Variants in PCDHGC5 observed in about 807,000 individuals in gnomAD.
PCDHGC5 encodes protocadherin gamma subfamily C, 5.
A neutral mutation model predicts 59.0 loss-of-function variants in PCDHGC5; 25 were observed. That is an observed-to-expected ratio of 0.42 (90% CI 0.31 to 0.59). PCDHGC5 has a LOEUF of 0.59. PCDHGC5 is among the 20% of genes least tolerant of loss of function. The pLI is 0.13. For missense variants in PCDHGC5, 1,067 were observed against 1,206.4 expected (o/e 0.88, Z 1.71); for synonymous variants, 434 against 505.5 (o/e 0.86, Z 1.90).
rs1193417991 is a variant in PCDHGC5 at position 141,491,413 on chromosome 5, G to C, written c.2173G>C (p.Gly725Arg). 5.0e-6 allele frequency: 8 copies of C among 1,613,946 alleles called. No individual in the cohort carries two copies. Among genetic ancestry groups the C allele is most frequent in the African/African-American group, 1.3e-5 (1 of 74,906 alleles). ...CCTTCAGGGAAACGCAGACGGGGAC[G>C]GGGGTGGAGGGCAGTGCTGCAGGCG... ...KCLQGNADGD[G>R]GGGQCCRRQD... Residue 725 changes from glycine to arginine, a missense_variant, in exon 1 of 4, where the codon GGG (glycine) becomes CGG (arginine). Transcript: ENST00000252087. The surrounding 1 kb of genome is among the most constrained non-coding windows in gnomAD (Gnocchi z 6.9).
chr5:141,489,089 A>C lies in PCDHGC5; in HGVS notation c.-152A>C. 6 of 284,452 alleles carry C rather than the reference A, an allele frequency of 2.1e-5. No individual in the cohort carries two copies. The highest frequency in any genetic ancestry group is 5.7e-5 in the East Asian group (1 of 17,568). The allele number at this position is 284,452 out of a possible 1,614,324, so 17.6% of individuals were successfully genotyped here. A position where few individuals can be genotyped will look rare whatever the true frequency, so the allele number is the denominator to read the frequency against. Reference sequence around the variant, plus strand: ...CCCTGCCCACCCCCGCCACTCGGTGACTAAGAACTGCTGCAAGCAGGCAAA... The same window carrying C: ...CCCTGCCCACCCCCGCCACTCGGTGCCTAAGAACTGCTGCAAGCAGGCAAA... On this transcript the variant is annotated 5_prime_UTR_variant, in exon 1 of 4. Transcript: ENST00000252087. This position sits in a 1 kb window ranked among gnomAD's most constrained non-coding sequence, Gnocchi z 4.5.
intron 2 of PCDHGC5, among the ~76,000 whole-genome samples, chr5:141,500,453 C>T (rs1403599390): frequency 6.6e-6 from 1 of 152,130 alleles, no homozygotes; most frequent in South Asian, 2.1e-4. Context: ...TCGTGATCCG[C>T]CCGCCTCGGC....
chr5:141,492,719 C>A (rs1367632029), intron 1 of PCDHGC5, among the ~76,000 whole-genome samples: 1 of 152,280 alleles, frequency 6.6e-6, no homozygotes, highest in Non-Finnish European at 1.5e-5. Context: ...AGCAGGCGGA[C>A]AGGCAGAGCT....
Position 141,489,968 on chromosome 5 carries a change from A to G in PCDHGC5, c.728A>G (p.Gln243Arg). 6.2e-7 allele frequency: 1 copy of G among 1,614,146 alleles called. No homozygotes were observed. The highest frequency in any genetic ancestry group is 2.2e-5 in the East Asian group (1 of 44,880). The change falls in exon 1 of 4, where the codon CAA (glutamine) becomes CGA (arginine). Residue 243 changes from glutamine (Q) to arginine (R), a missense_variant. Physicochemically the swap from Gln to Arg is conservative, Grantham distance 43. Coordinates refer to ENST00000252087, the MANE Select transcript of PCDHGC5 (RefSeq NM_018929.3). This position sits in a 1 kb window ranked among gnomAD's most constrained non-coding sequence, Gnocchi z 4.5. Reference sequence around the variant, plus strand: ...ATCAATGATAATGCTCCAACCTTCCAATCCTCAGTTCTACGTGTGGGAATC... The same window carrying G: ...ATCAATGATAATGCTCCAACCTTCCGATCCTCAGTTCTACGTGTGGGAATC... ...LDINDNAPTF[Q>R]SSVLRVGIPE...
rs376996144 is a variant in PCDHGC5, at chr5:141,491,534, G to C, written c.2294G>C (p.Arg765Pro). 3.7e-6 allele frequency: 6 copies of C among 1,613,912 alleles called. No homozygotes were observed. The highest frequency in any genetic ancestry group is 1.3e-5 in the African/African-American group (1 of 74,928). ...CTCAAGTACATGGAGGTGACGCTGC[G>C]GCCCACAGACTCGCAGAGCCACTGC... ...GTLKYMEVTL[R>P]PTDSQSHCYR... is the part of the protein sequence containing the mutation. The change falls in exon 1 of 4, where the codon CGG (arginine) becomes CCG (proline). Residue 765 changes from arginine (R) to proline (P), a missense_variant. Coordinates refer to ENST00000252087, the MANE Select transcript of PCDHGC5 (RefSeq NM_018929.3). This position sits in a 1 kb window ranked among gnomAD's most constrained non-coding sequence, Gnocchi z 6.9.
chr5:141,500,216 ATT>A (rs1562194139), intron 2 of PCDHGC5, among the ~76,000 whole-genome samples: 8 of 149,244 alleles, frequency 5.4e-5, no homozygotes, highest in African/African-American at 2.0e-4. Flanking sequence ...TTATTTATTT[ATT>A]TATTTATTGA....
intron 2 of PCDHGC5, among the ~76,000 whole-genome samples, chr5:141,500,324 T>G (rs1165047676): frequency 6.6e-6 from 1 of 151,994 alleles, no homozygotes; most frequent in African/African-American, 2.4e-5. Flanking sequence ...TGCTCCTGCC[T>G]CAGCCTCCAG....
chr5:141,498,919 CG>C (rs2099786825), intron 2 of PCDHGC5, among the ~76,000 whole-genome samples: 1 of 122,240 alleles, frequency 8.2e-6, no homozygotes, highest in African/African-American at 3.1e-5. Context: ...GGTGACAGAG[CG>C]AGACTCCATC....
Position 141,491,627 on chromosome 5 carries a change from A to C in PCDHGC5, c.2387A>C (p.Gln796Pro). Residue 796 changes from glutamine to proline, a missense_variant, in exon 1 of 4, where the codon CAG becomes CCG. Gln to Pro is a moderately conservative substitution (Grantham distance 76, BLOSUM62 -1). Transcript: ENST00000252087. The surrounding 1 kb of genome is among the most constrained non-coding windows in gnomAD (Gnocchi z 6.9). ...DFTFLRPLSV[Q>P]QPTALALEPD... ...ACTTTTCTAAGACCCCTCAGCGTTC[A>C]GCAGCCCACAGCTCTGGCGCTGGAG... 6.2e-7 allele frequency: 1 copy of C among 1,613,924 alleles called. No homozygotes were observed. The highest frequency in any genetic ancestry group is 8.5e-7 in the Non-Finnish European group (1 of 1,180,026).
At chr5:141,495,175 C>T (rs1337353259) in intron 2 of PCDHGC5, among the ~76,000 whole-genome samples, 1 of 152,182 alleles carries the variant, frequency 6.6e-6, no homozygotes, top group Admixed American at 6.5e-5. Context: ...TGGGTGAAAG[C>T]GAGGCTTTCT....
At position 141,490,707 on chromosome 5, in the gene PCDHGC5, C is replaced by T; in HGVS notation, c.1467C>T (p.Leu489=). ...CAGACACTGGGGATAATGCCCGCCT[C>T]ACCTACTCCATTGTAGGAAATCAGG... ...SDPDTGDNAR[L]TYSIVGNQVQ... Residue 489 remains leucine, a synonymous_variant, in exon 1 of 4, where the codon CTC becomes CTT. Transcript: ENST00000252087. The surrounding 1 kb of genome is among the most constrained non-coding windows in gnomAD (Gnocchi z 5.4). The T allele has an allele frequency of 3.1e-6, 5 of 1,614,194 alleles. No individual in the cohort carries two copies. Among genetic ancestry groups the T allele is most frequent in the Non-Finnish European group, 3.4e-6 (4 of 1,180,008 alleles).
intron 3 of PCDHGC5, among the ~76,000 whole-genome samples, chr5:141,507,479 C>T (rs1050741571): frequency 1.3e-5 from 2 of 152,198 alleles, no homozygotes; most frequent in East Asian, 1.9e-4. Flanking sequence ...GACTGCTGGC[C>T]TCCTGAGGCA....
chr5:141,511,641 A>C lies in PCDHGC5; in HGVS notation c.*468A>C. On this transcript the variant is annotated 3_prime_UTR_variant, in exon 4 of 4. Transcript: ENST00000252087. ...TCTGAAAAGTTGGAAGGGCATCATG[A>C]CCTCTTGGCCTCTCCTTTGATTCTC... 1 of 224,930 alleles carries C rather than the reference A, an allele frequency of 4.4e-6. No homozygotes were observed. The allele number at this position is 224,930 out of a possible 1,614,324, so 13.9% of individuals were successfully genotyped here. A position where few individuals can be genotyped will look rare whatever the true frequency, so the allele number is the denominator to read the frequency against.
intron 3 of PCDHGC5, among the ~76,000 whole-genome samples, chr5:141,506,146 T>C (rs1014881418): frequency 6.6e-6 from 1 of 152,086 alleles, no homozygotes; most frequent in African/African-American, 2.4e-5. Context: ...AAGAATATCA[T>C]TTGTCCTTAA....
rs1460389320 is a variant in PCDHGC5 at position 141,490,134 on chromosome 5, C to T, written c.894C>T (p.Ser298=). The T allele has an allele frequency of 2.5e-6, 4 of 1,614,114 alleles. No homozygotes were observed. Among genetic ancestry groups the T allele is most frequent in the Admixed American group, 3.3e-5 (2 of 59,998 alleles). ...GGAACCTCTTTGGCCTAGACCCTAG[C>T]AGTGGGGCAATCCATGTGTTGGGTC... ...AVRNLFGLDP[S]SGAIHVLGPI... is the part of the protein sequence containing the mutation. Residue 298 remains serine, a synonymous_variant, in exon 1 of 4, where the codon AGC becomes AGT. Coordinates refer to ENST00000252087, the MANE Select transcript of PCDHGC5 (RefSeq NM_018929.3). This position sits in a 1 kb window ranked among gnomAD's most constrained non-coding sequence, Gnocchi z 5.4.
At chr5:141,495,652 T>C (rs1403816239) in intron 2 of PCDHGC5, among the ~76,000 whole-genome samples, 2 of 152,336 alleles carry the variant, frequency 1.3e-5, no homozygotes, top group Admixed American at 6.5e-5. Context: ...CTACTTGCAT[T>C]GATCTGTGCC....
In PCDHGC5 at chr5:141,489,681, A is replaced by T; in HGVS notation, c.441A>T (p.Ala147=). ...EREMRISESA[A]SGARFPLDSA... ...AGATGCGCATCTCAGAATCAGCAGC[A>T]TCTGGGGCACGATTCCCACTGGACA... The change falls in exon 1 of 4, where the codon GCA becomes GCT. Residue 147 remains alanine (A), a synonymous_variant. Transcript: ENST00000252087. This position sits in a 1 kb window ranked among gnomAD's most constrained non-coding sequence, Gnocchi z 4.5. 1 of 1,614,174 alleles carries T rather than the reference A, an allele frequency of 6.2e-7. No individual in the cohort carries two copies. The highest frequency in any genetic ancestry group is 8.5e-7 in the Non-Finnish European group (1 of 1,180,010).
Position 141,511,202 on chromosome 5 carries a change from C to A in PCDHGC5, c.*29C>A. On this transcript the variant is annotated 3_prime_UTR_variant, in exon 4 of 4. Transcript: ENST00000252087. ...GGAGGCCAGGCCAAGAGCCACAGGG[C>A]GGCCTCTCCCCAACCAGCCCAGCTT... The A allele has an allele frequency of 6.2e-7, 1 of 1,612,136 alleles. No individual in the cohort carries two copies.
rs2099702455 is a variant in PCDHGC5, at chr5:141,490,641, G to C, written c.1401G>C (p.Arg467=). 6.2e-7 allele frequency: 1 copy of C among 1,614,042 alleles called. No homozygotes were observed. Among genetic ancestry groups the C allele is most frequent in the Admixed American group, 1.7e-5 (1 of 60,004 alleles). Residue 467 remains arginine, a synonymous_variant, in exon 1 of 4, where the codon CGG becomes CGC. Coordinates refer to ENST00000252087, the MANE Select transcript of PCDHGC5 (RefSeq NM_018929.3). The surrounding 1 kb of genome is among the most constrained non-coding windows in gnomAD (Gnocchi z 5.4). ...ACACTGCTTACATCCTAGAAAACCG[G>C]CCTCCGGGCTCCCTTCTTTGCACTG... The part of the protein sequence containing the change: ...QLYTAYILEN[R]PPGSLLCTVA...
Sources: allele counts gnomAD v4.1 joint callset (sites outside exome capture counted in the v4.1 genomes callset), GRCh38; gene constraint gnomAD v4.1.1; non-coding constraint Gnocchi (gnomAD v3.1); transcripts MANE v1.5; gene names NCBI Gene and HGNC (gene_info 2026-07-23, HGNC 2026-07-21).